The following REEP3 variants were observed in gnomAD, a reference collection of about 807,000 sequenced individuals.
The protein encoded by REEP3 is receptor expression-enhancing protein 3.
A neutral mutation model predicts 41.3 loss-of-function variants in REEP3; 20 were observed. The ratio of observed to expected loss-of-function variants is 0.48; its 90% CI spans 0.34 to 0.70. The LOEUF is 0.70. REEP3 is among the 30% of genes least tolerant of loss of function. The pLI is 0.01. For synonymous variants in REEP3, 104 were observed against 101.8 expected, an observed-to-expected ratio of 1.02 and a Z score of -0.13; for missense variants, 271 against 308.8, an observed-to-expected ratio of 0.88 and a Z score of 0.92.
At chr10:63,556,616 T>TA (rs1955684989) in intron 1 of REEP3, among the ~76,000 whole-genome samples, 2 of 61,562 alleles carry the variant, frequency 3.2e-5, no homozygotes, top group Non-Finnish European at 5.8e-5. Flanking sequence ...GTTTGCTTGT[T>TA]TTTTTTTTTG....
intron 6 of REEP3, among the ~76,000 whole-genome samples, chr10:63,612,510 G>A (rs773988705): frequency 1.3e-5 from 2 of 152,152 alleles, no homozygotes; most frequent in Admixed American, 1.3e-4. Context: ...AAATTAGGTG[G>A]TCAGTCACAG....
intron 1 of REEP3, among the ~76,000 whole-genome samples, chr10:63,545,710 T>A (rs1041527373): frequency 5.5e-5 from 6 of 109,246 alleles, no homozygotes; most frequent in African/African-American, 2.1e-4. Flanking sequence ...TTTTTTGAGA[T>A]GGAGTCTTGC....
chr10:63,575,555 T>C (rs7090758), intron 2 of REEP3, among the ~76,000 whole-genome samples: 67,033 of 151,772 alleles, frequency 0.44, 15,037 homozygotes, highest in Middle Eastern at 0.49. Context: ...TGGACTGGTT[T>C]TCCAATTTTT....
intron 2 of REEP3, among the ~76,000 whole-genome samples, chr10:63,590,399 A>C (rs1465081583): frequency 6.6e-6 from 1 of 152,210 alleles, no homozygotes; most frequent in African/African-American, 2.4e-5. Context: ...GAATTGACTA[A>C]ATTATGTTTT....
chr10:63,597,038 G>A (rs9804224), intron 3 of REEP3, among the ~76,000 whole-genome samples: 108,875 of 151,938 alleles, frequency 0.72, 39,360 homozygotes, highest in East Asian at 0.98. Flanking sequence ...TGAGGGAGTC[G>A]AAGGGTGTTC....
intron 2 of REEP3, among the ~76,000 whole-genome samples, chr10:63,568,269 G>GTTT (rs1228299728): frequency 2.2e-5 from 3 of 138,314 alleles, no homozygotes; most frequent in African/African-American, 5.3e-5. Flanking sequence ...ATCCTTGTTT[G>GTTT]TTTTTTTTTT....
At chr10:63,547,528 G>C (rs1955590675) in intron 1 of REEP3, among the ~76,000 whole-genome samples, 1 of 152,122 alleles carries the variant, frequency 6.6e-6, no homozygotes, top group African/African-American at 2.4e-5. Context: ...TCTTTTCCTG[G>C]AGTGGTGGCA....
intron 6 of REEP3, among the ~76,000 whole-genome samples, chr10:63,612,923 G>A (rs1156870649): frequency 6.6e-6 from 1 of 152,084 alleles, no homozygotes; most frequent in African/African-American, 2.4e-5. Context: ...CCCAAGGATT[G>A]GCTAAGAATT....
At chr10:63,545,437 C>T (rs12263283) in intron 1 of REEP3, among the ~76,000 whole-genome samples, 53,080 of 151,714 alleles carry the variant, frequency 0.35, 10,089 homozygotes, top group African/African-American at 0.48. Context: ...TGCAGTGGTG[C>T]GGTCTCGGCT....
At chr10:63,526,148 T>C (rs1214164329) in intron 1 of REEP3, among the ~76,000 whole-genome samples, 1 of 152,198 alleles carries the variant, frequency 6.6e-6, no homozygotes, top group African/African-American at 2.4e-5. Context: ...AATTAGAGTA[T>C]AGTAAAAATG....
intron 1 of REEP3, among the ~76,000 whole-genome samples, chr10:63,532,535 G>C (rs577164562): frequency 5.9e-5 from 9 of 151,948 alleles, no homozygotes; most frequent in Admixed American, 2.6e-4. Flanking sequence ...GTTGGCGGGC[G>C]CCTGTAATCC....
At chr10:63,552,773 T>C (rs188643060) in intron 1 of REEP3, among the ~76,000 whole-genome samples, 3 of 152,346 alleles carry the variant, frequency 2.0e-5, no homozygotes, top group Admixed American at 1.3e-4. Context: ...TGACGTTTCA[T>C]TAGACACAGG....
chr10:63,558,705 T>G (rs1299063520), intron 1 of REEP3, among the ~76,000 whole-genome samples: 1 of 152,024 alleles, frequency 6.6e-6, no homozygotes, highest in South Asian at 2.1e-4. Flanking sequence ...ATCATGCCAC[T>G]GCGTTCCAGC....
Position 63,603,427 on chromosome 10 carries a change from T to C in REEP3, c.417+4144T>C, listed in dbSNP as rs556729852. On this transcript the variant is annotated intron_variant, in intron 5 of 7. Coordinates refer to ENST00000373758, the MANE Select transcript of REEP3 (RefSeq NM_001001330.3). ...GCCACGAAAACAAAAATGTGTCTATTTCATATATCTATTTTTCTGGCTCTC... is the reference window on the plus strand; with the variant it reads ...GCCACGAAAACAAAAATGTGTCTATCTCATATATCTATTTTTCTGGCTCTC... Among the ~76,000 whole-genome samples the C allele has an allele frequency of 3.4e-3, 511 of 152,260 alleles. 2 individuals carry two copies. The highest frequency in any genetic ancestry group is 5.9e-3 in the Non-Finnish European group (399 of 68,028).
At chr10:63,528,243 CTCTTGAGCT>C (rs1955385332) in intron 1 of REEP3, among the ~76,000 whole-genome samples, 1 of 152,168 alleles carries the variant, frequency 6.6e-6, no homozygotes, top group South Asian at 2.1e-4. Flanking sequence ...CAAAACTAGG[CTCTTGAGCT>C]TCCTTCCCCA....
In REEP3 at chr10:63,621,094, A is replaced by T. The variant is rs1956350143; in HGVS notation, c.*225A>T. 1 of 376,240 alleles carries T rather than the reference A, an allele frequency of 2.7e-6. No homozygotes were observed. The highest frequency in any genetic ancestry group is 4.8e-6 in the Non-Finnish European group (1 of 208,170). The allele number at this position is 376,240 out of a possible 1,614,324, so 23.3% of individuals were successfully genotyped here. A position where few individuals can be genotyped will look rare whatever the true frequency, so the allele number is the denominator to read the frequency against. The stretch of plus-strand genomic sequence containing the variant: ...GATGTACTAAATATGTATATTAGAA[A>T]TTATAGAAAATCATGTTGTCCGTTT... On this transcript the variant is annotated 3_prime_UTR_variant, in exon 8 of 8. Transcript: ENST00000373758.
intron 2 of REEP3, among the ~76,000 whole-genome samples, chr10:63,578,494 G>T (rs986875626): frequency 6.6e-6 from 1 of 152,118 alleles, no homozygotes; most frequent in Admixed American, 6.5e-5. Flanking sequence ...ATATATGGCC[G>T]GGCATGGTAG....
At chr10:63,543,203 C>A (rs1435674305) in intron 1 of REEP3, among the ~76,000 whole-genome samples, 1 of 152,134 alleles carries the variant, frequency 6.6e-6, no homozygotes, top group South Asian at 2.1e-4. Context: ...TTATTATTTC[C>A]CACAAATCTG....
rs567167437 is a variant in REEP3 at position 63,622,396 on chromosome 10, A to G, written c.*1527A>G. On this transcript the variant is annotated 3_prime_UTR_variant, in exon 8 of 8. Coordinates refer to ENST00000373758, the MANE Select transcript of REEP3 (RefSeq NM_001001330.3). ...TTATGGATTATTTCACATTCTTCAT[A>G]TATAACAAGTAAAATTAATTCAGTT... 7 of 152,328 alleles carry G rather than the reference A, an allele frequency of 4.6e-5. No individual in the cohort carries two copies. The highest frequency in any genetic ancestry group is 1.7e-4 in the African/African-American group (7 of 41,576). The allele number at this position is 152,328 out of a possible 1,614,324, so 9.4% of individuals were successfully genotyped here.
Sources: gnomAD v4.1 joint callset for allele counts (sites outside exome capture counted in the v4.1 genomes callset) on GRCh38, gnomAD v4.1.1 for gene constraint, MANE v1.5 for transcripts, NCBI Gene and HGNC (gene_info 2026-07-23, HGNC 2026-07-21) for gene names.